STARD9: variants seen among roughly 807,000 people sequenced by gnomAD.
STARD9 encodes the protein stAR-related lipid transfer protein 9.
In STARD9, 346 loss-of-function variants were observed where a neutral mutation model predicts 399.8. That is an observed-to-expected ratio of 0.87 (90% CI 0.79 to 0.95). STARD9 has a LOEUF of 0.95. STARD9 is among the 40% of genes least tolerant of loss of function. The pLI, the probability that STARD9 is intolerant of heterozygous loss-of-function variation, is 0.00. For synonymous variants in STARD9, 2,203 were observed against 2,143.5 expected (o/e 1.03, Z -0.77); for missense variants, 5,832 against 5,667.5 (o/e 1.03, Z -0.93).
chr15:42,681,462 C>T lies in STARD9; in HGVS notation c.1915C>T (p.Pro639Ser), dbSNP rs1055277363. 1.3e-6 allele frequency: 2 copies of T among 1,537,134 alleles called. No homozygotes were observed. Among genetic ancestry groups the T allele is most frequent in the Non-Finnish European group, 1.7e-6 (2 of 1,146,868 alleles). Reference protein sequence around the residue: ...EEQCDEDHQTPRDGETSHRAQ... With the variant: ...EEQCDEDHQTSRDGETSHRAQ... The stretch of plus-strand genomic sequence containing the variant: ...GCAATGTGACGAGGACCATCAGACA[C>T]CGAGGGATGGAGAGACATCCCACAG... The change falls in exon 21 of 33, where the codon CCG becomes TCG. Residue 639 changes from proline to serine, a missense_variant. Pro to Ser is a moderately conservative substitution (Grantham distance 74). This residue lies in a region of STARD9 where 5,828 missense variants were observed against 5,651.1 expected (regional missense o/e 1.03). Transcript: ENST00000290607.
chr15:42,609,372 G>T (rs1293874889), intron 3 of STARD9, among the ~76,000 whole-genome samples: 2 of 151,962 alleles, frequency 1.3e-5, no homozygotes, highest in Admixed American at 1.3e-4. Context: ...CAGAAGAGAC[G>T]GTATGGTCAA....
At chr15:42,594,166 G>T (rs531222606) in intron 3 of STARD9, among the ~76,000 whole-genome samples, 1 of 152,296 alleles carries the variant, frequency 6.6e-6, no homozygotes, top group African/African-American at 2.4e-5. Flanking sequence ...ACTTCAGTGT[G>T]AGGATGTCAG....
chr15:42,676,025 T>C, intron 20 of STARD9, 50 bp downstream of exon 20: 1 of 1,359,666 alleles, frequency 7.4e-7, no homozygotes, highest in East Asian at 2.6e-5. Flanking sequence ...GTTCGCTTCT[T>C]AGTCCATGAC....
At position 42,637,917 on chromosome 15, in the gene STARD9, G is replaced by T. The variant is rs1212510821; in HGVS notation, c.362G>T (p.Gly121Val). 6.5e-7 allele frequency: 1 copy of T among 1,537,062 alleles called. No individual in the cohort carries two copies. Among genetic ancestry groups the T allele is most frequent in the South Asian group, 1.2e-5 (1 of 84,060 alleles). The change falls in exon 5 of 33, where the codon GGG becomes GTG. Residue 121 changes from glycine to valine, a missense_variant. Coordinates refer to ENST00000290607, the MANE Select transcript of STARD9 (RefSeq NM_020759.3). ...YTMLGTPASV[G>V]LTPRICEGLF... ...TCTTCTGTTCACCAGGCCTCTGTTG[G>T]GTTGACACCACGGATATGTGAGGTA...
At chr15:42,629,421 G>C (rs141849487) in intron 3 of STARD9, among the ~76,000 whole-genome samples, 62 of 152,208 alleles carry the variant, frequency 4.1e-4, no homozygotes, top group African/African-American at 1.5e-3. Context: ...TTCTTTTTCA[G>C]ATTGTTCTCT....
chr15:42,591,623 G>A (rs573886785), intron 3 of STARD9, among the ~76,000 whole-genome samples: 1 of 152,270 alleles, frequency 6.6e-6, no homozygotes, highest in African/African-American at 2.4e-5. Flanking sequence ...GCTTCCTTAT[G>A]GTGGTCTTTT....
chr15:42,688,527 C>G lies in STARD9; in HGVS notation c.6949C>G (p.Leu2317Val). 6.5e-7 allele frequency: 1 copy of G among 1,537,900 alleles called. No homozygotes were observed. The highest frequency in any genetic ancestry group is 8.7e-7 in the Non-Finnish European group (1 of 1,147,062). Reference sequence around the variant, plus strand: ...CAGGCAGGAAACTGTCAGCCCATTACTAAGCCGGACAGAATTCTGTACAGC... The same window carrying G: ...CAGGCAGGAAACTGTCAGCCCATTAGTAAGCCGGACAGAATTCTGTACAGC... Reference protein sequence around the residue: ...FFRQETVSPLLSRTEFCTAPL... With the variant: ...FFRQETVSPLVSRTEFCTAPL... The change falls in exon 23 of 33, where the codon CTA becomes GTA. Residue 2317 changes from leucine (L) to valine (V), a missense_variant. Around this residue, in one of 2 missense-constraint regions of STARD9, gnomAD observed 5,828 missense variants for 5,651.1 expected, o/e 1.03. Transcript: ENST00000290607.
Position 42,689,823 on chromosome 15 carries a change from C to A in STARD9, c.8245C>A (p.Pro2749Thr). The A allele has an allele frequency of 3.9e-6, 6 of 1,537,226 alleles. No homozygotes were observed. The highest frequency in any genetic ancestry group is 5.2e-6 in the Non-Finnish European group (6 of 1,146,908). The change falls in exon 23 of 33, where the codon CCT becomes ACT. Residue 2749 changes from proline (P) to threonine (T), a missense_variant. By Grantham distance (38) the Pro-to-Thr change is conservative (BLOSUM62 -1). This residue lies in a region of STARD9 where 5,828 missense variants were observed against 5,651.1 expected (regional missense o/e 1.03). Transcript: ENST00000290607. ...KVVAALPSQA[P>T]YDDPRVTLHE... is the part of the protein sequence containing the mutation. Reference sequence around the variant, plus strand: ...AGTGGCTGCCTTACCTTCTCAGGCCCCTTATGATGATCCTAGAGTGACTCT... The same window carrying A: ...AGTGGCTGCCTTACCTTCTCAGGCCACTTATGATGATCCTAGAGTGACTCT...
chr15:42,581,141 A>G (rs1277955401), intron 1 of STARD9: 2 of 743,056 alleles, frequency 2.7e-6, no homozygotes, highest in East Asian at 5.1e-5. Context: ...GCCCATCTCC[A>G]ACTGAGCATC....
At chr15:42,665,763 A>T in intron 14 of STARD9, 23 bp from the exon 15 acceptor site, 1 of 1,535,168 alleles carries the variant, frequency 6.5e-7, no homozygotes, top group Non-Finnish European at 8.7e-7. Flanking sequence ...AAAATATCAA[A>T]GCACATCTCT....
At chr15:42,674,539 G>T (rs1397342844) in intron 17 of STARD9, 48 bp downstream of exon 17, 23 of 1,501,704 alleles carry the variant, frequency 1.5e-5, no homozygotes, top group Non-Finnish European at 2.1e-5. Context: ...TAGTATTTGT[G>T]CCCGAAAGGT....
In STARD9 at chr15:42,717,982, A is replaced by T; in HGVS notation, c.13565A>T (p.Gln4522Leu). 1 of 1,537,092 alleles carries T rather than the reference A, an allele frequency of 6.5e-7. No homozygotes were observed. The highest frequency in any genetic ancestry group is 1.2e-5 in the South Asian group (1 of 84,050). ...TGCTTGGTGTCTCCCCCCAGCTATCAGGGTGAGGAGCAGGCGGTGCAGCTT... is the reference window on the plus strand; with the variant it reads ...TGCTTGGTGTCTCCCCCCAGCTATCTGGGTGAGGAGCAGGCGGTGCAGCTT... ...SCQATAGWNYQGEEQAVQLYY... is the reference protein window; with the variant it reads ...SCQATAGWNYLGEEQAVQLYY... The change falls in exon 30 of 33, where the codon CAG (glutamine) becomes CTG (leucine). Residue 4522 changes from glutamine (Q) to leucine (L), a missense_variant. By Grantham distance (113) the Gln-to-Leu change is moderately radical. Coordinates refer to ENST00000290607, the MANE Select transcript of STARD9 (RefSeq NM_020759.3).
At chr15:42,654,590 A>G (rs1177078361) in intron 9 of STARD9, among the ~76,000 whole-genome samples, 2 of 152,214 alleles carry the variant, frequency 1.3e-5, no homozygotes, top group Non-Finnish European at 2.9e-5. Flanking sequence ...AAGTTTCAAG[A>G]TACAAAATTA....
At chr15:42,709,298 G>C (rs1211886916) in intron 26 of STARD9, among the ~76,000 whole-genome samples, 8 of 152,202 alleles carry the variant, frequency 5.3e-5, no homozygotes. Flanking sequence ...GGAGGCTGAG[G>C]TGGGAGGATC....
In STARD9 at chr15:42,627,177, T is replaced by C. The variant is rs576555473; in HGVS notation, c.235-7679T>C. ...TGGGCATGGGGACATGTGCCTGTAG[T>C]CCCAGCTACTTGGGAGGCTAAGGTG... is the stretch of plus-strand genomic sequence containing the variant. On this transcript the variant is annotated intron_variant, in intron 3 of 32. Coordinates refer to ENST00000290607, the MANE Select transcript of STARD9 (RefSeq NM_020759.3). Among the ~76,000 whole-genome samples, 125 of 152,200 alleles carry C rather than the reference T, an allele frequency of 8.2e-4. 3 individuals are homozygous for C. The South Asian group carries it at 0.013, about 16-fold the overall frequency.
chr15:42,628,623 G>A (rs962129394), intron 3 of STARD9, among the ~76,000 whole-genome samples: 1 of 152,080 alleles, frequency 6.6e-6, no homozygotes, highest in Non-Finnish European at 1.5e-5. Flanking sequence ...GAGAGATAGG[G>A]GTCAAGTTTC....
intron 4 of STARD9, among the ~76,000 whole-genome samples, chr15:42,636,050 C>G (rs2059412634): frequency 6.6e-6 from 1 of 152,104 alleles, no homozygotes; most frequent in Admixed American, 6.6e-5. Context: ...AATCTCAACA[C>G]TTTGGGGTGG....
chr15:42,652,869 G>A (rs2141996853), intron 9 of STARD9, among the ~76,000 whole-genome samples: 1 of 152,140 alleles, frequency 6.6e-6, no homozygotes, highest in South Asian at 2.1e-4. Context: ...GTAAAGACGG[G>A]GTTTCACCAT....
At chr15:42,652,336 C>T (rs968573297) in intron 8 of STARD9, among the ~76,000 whole-genome samples, 184 bp from the exon 9 acceptor site, 2 of 152,064 alleles carry the variant, frequency 1.3e-5, no homozygotes, top group African/African-American at 4.8e-5. Flanking sequence ...CAGATATCAG[C>T]ACCTAGAGTG....
Sources: gnomAD v4.1 joint callset for allele counts (sites outside exome capture counted in the v4.1 genomes callset) on GRCh38, gnomAD v4.1.1 for gene constraint, gnomAD v4.1.1 regional missense constraint, MANE v1.5 for transcripts, NCBI Gene and HGNC (gene_info 2026-07-23, HGNC 2026-07-21) for gene names.